CNTN4: variants seen among roughly 807,000 people sequenced by gnomAD.
CNTN4 encodes the protein contactin 4, also known as contactin-4.
In CNTN4, 77 loss-of-function variants were observed where a neutral mutation model predicts 122.5. The observed-to-expected ratio is 0.63, with a 90% CI of 0.52 to 0.76. The LOEUF (loss-of-function observed/expected upper bound fraction) is 0.76, where lower values mean the gene tolerates loss of function less well. Ranked by LOEUF, CNTN4 falls within the 30% of genes least tolerant of loss-of-function variation. CNTN4 has a pLI of 0.00. For synonymous variants in CNTN4, 512 were observed against 447.0 expected, an observed-to-expected ratio of 1.15 and a Z score of -1.83; for missense variants, 1,256 against 1,259.1, an observed-to-expected ratio of 1.00 and a Z score of 0.04.
Position 2,208,000 on chromosome 3 carries a change from G to T in CNTN4, c.-145+107361G>T, listed in dbSNP as rs771717037. 6.5e-4 allele frequency among the ~76,000 whole-genome samples: 99 copies of T among 152,190 alleles called. No homozygotes were observed. In the Middle Eastern group the frequency reaches 0.017, roughly 26 times the overall value. On this transcript the variant is annotated intron_variant, in intron 2 of 24. Coordinates refer to ENST00000418658, the MANE Select transcript of CNTN4 (RefSeq NM_175607.3). The stretch of plus-strand genomic sequence containing the variant: ...CACTTGGTCACCTAAGAGCTCTGAT[G>T]GAGATAGACAAGATTGATATTATCT...
At chr3:2,670,477 C>G (rs2084439620) in intron 4 of CNTN4, among the ~76,000 whole-genome samples, 1 of 152,092 alleles carries the variant, frequency 6.6e-6, no homozygotes. Context: ...TACTTTGAGC[C>G]TATGTGTGTC....
chr3:2,969,756 CTTATT>C (rs917907929), intron 13 of CNTN4, among the ~76,000 whole-genome samples: 3 of 152,068 alleles, frequency 2.0e-5, no homozygotes, highest in African/African-American at 7.2e-5. Flanking sequence ...CTTTTACTTT[CTTATT>C]TTATTGTTGG....
At chr3:2,170,103 C>T (rs1364364507) in intron 2 of CNTN4, among the ~76,000 whole-genome samples, 16 of 151,670 alleles carry the variant, frequency 1.1e-4, no homozygotes, top group South Asian at 4.2e-4. Flanking sequence ...GGGAGGATCA[C>T]AAGGTCAGGA....
At chr3:2,433,067 C>T (rs2048135122) in intron 3 of CNTN4, among the ~76,000 whole-genome samples, 1 of 152,224 alleles carries the variant, frequency 6.6e-6, no homozygotes, top group Middle Eastern at 3.4e-3. Context: ...AAGCAATCCA[C>T]CCACCTCAGC....
intron 14 of CNTN4, among the ~76,000 whole-genome samples, chr3:3,014,147 C>G (rs1178920658): frequency 1.3e-5 from 2 of 151,948 alleles, no homozygotes; most frequent in African/African-American, 4.8e-5. Context: ...ATGAGGAAGT[C>G]ATTAATGTTT....
At chr3:2,807,336 G>A (rs1051077222) in intron 6 of CNTN4, among the ~76,000 whole-genome samples, 1 of 152,172 alleles carries the variant, frequency 6.6e-6, no homozygotes, top group African/African-American at 2.4e-5. Flanking sequence ...CACGTAGCTT[G>A]CGTGTATATT....
At chr3:2,360,976 A>G (rs1559485503) in intron 3 of CNTN4, among the ~76,000 whole-genome samples, 1 of 152,184 alleles carries the variant, frequency 6.6e-6, no homozygotes, top group Non-Finnish European at 1.5e-5. Flanking sequence ...ATGAGTCAGA[A>G]TACTGATTGT....
chr3:2,478,148 C>G (rs1324773494), intron 3 of CNTN4, among the ~76,000 whole-genome samples: 1 of 152,058 alleles, frequency 6.6e-6, no homozygotes, highest in African/African-American at 2.4e-5. Context: ...GACTTGAAAC[C>G]TTTTCATTTT....
chr3:2,396,184 C>T (rs956951013), intron 3 of CNTN4, among the ~76,000 whole-genome samples: 1 of 151,994 alleles, frequency 6.6e-6, no homozygotes, highest in African/African-American at 2.4e-5. Flanking sequence ...ACCATCATGC[C>T]CTGCTAATTT....
chr3:2,864,954 T>C (rs2093708520), intron 7 of CNTN4, among the ~76,000 whole-genome samples: 1 of 152,004 alleles, frequency 6.6e-6, no homozygotes, highest in South Asian at 2.1e-4. Flanking sequence ...ATTACTAGGT[T>C]TGCTTGAAAC....
At chr3:2,794,388 A>G (rs1356681182) in intron 6 of CNTN4, among the ~76,000 whole-genome samples, 1 of 152,190 alleles carries the variant, frequency 6.6e-6, no homozygotes, top group Non-Finnish European at 1.5e-5. Flanking sequence ...TGATGCTGTA[A>G]TGTATGTTGG....
At chr3:3,009,027 A>C in intron 14 of CNTN4, 1 of 985,420 alleles carries the variant, frequency 1.0e-6, no homozygotes, top group Middle Eastern at 5.2e-4. Context: ...GCTAGAGGAC[A>C]AGCCTGGTGT....
chr3:2,372,339 T>C (rs943470250), intron 3 of CNTN4, among the ~76,000 whole-genome samples: 19 of 152,236 alleles, frequency 1.2e-4, no homozygotes, highest in African/African-American at 4.3e-4. Context: ...ACATCGTGGC[T>C]AGGAATATGT....
At position 2,709,428 on chromosome 3, in the gene CNTN4, G is replaced by A. The variant is rs116593044; in HGVS notation, c.56-26787G>A. Among the ~76,000 whole-genome samples the A allele has an allele frequency of 5.4e-3, 817 of 152,116 alleles. 8 individuals carry two copies. The highest frequency in any genetic ancestry group is 0.018 in the African/African-American group (763 of 41,508). ...AACCTGTGCACCAGGGATTTTCAAA[G>A]TTCCCTCAGGTGATCATCGTGTGCA... On this transcript the variant is annotated intron_variant, in intron 4 of 24. Coordinates refer to ENST00000418658, the MANE Select transcript of CNTN4 (RefSeq NM_175607.3). The surrounding 1 kb of genome is among the most constrained non-coding windows in gnomAD (Gnocchi z 5.0).
chr3:2,192,562 T>G (rs2037629658), intron 2 of CNTN4, among the ~76,000 whole-genome samples: 1 of 152,104 alleles, frequency 6.6e-6, no homozygotes, highest in East Asian at 1.9e-4. Flanking sequence ...ATATTCAGAA[T>G]CTACAAAGAA....
intron 3 of CNTN4, among the ~76,000 whole-genome samples, chr3:2,509,638 G>A (rs960486231): frequency 1.3e-5 from 2 of 152,142 alleles, no homozygotes; most frequent in African/African-American, 4.8e-5. Context: ...TCCTTTGGGA[G>A]AGAATACTTT....
chr3:2,320,112 A>G (rs2043231335), intron 2 of CNTN4, among the ~76,000 whole-genome samples: 1 of 152,158 alleles, frequency 6.6e-6, no homozygotes, highest in Admixed American at 6.6e-5. Flanking sequence ...GCTGTTGGGG[A>G]TATAATTCTG....
At chr3:2,189,559 A>T (rs1174252738) in intron 2 of CNTN4, among the ~76,000 whole-genome samples, 1 of 152,128 alleles carries the variant, frequency 6.6e-6, no homozygotes, top group East Asian at 1.9e-4. Context: ...AGAGAGATTG[A>T]TACCCTGAGA....
chr3:2,292,617 T>C (rs1265132763), intron 2 of CNTN4, among the ~76,000 whole-genome samples: 1 of 146,446 alleles, frequency 6.8e-6, no homozygotes, highest in African/African-American at 2.5e-5. Flanking sequence ...TCTGACTTTT[T>C]ATCCCTTAGA....
Sources: gnomAD v4.1 joint callset for allele counts (sites outside exome capture counted in the v4.1 genomes callset) on GRCh38, gnomAD v4.1.1 for gene constraint, Gnocchi (gnomAD v3.1) non-coding constraint, MANE v1.5 for transcripts, NCBI Gene and HGNC (gene_info 2026-07-23, HGNC 2026-07-21) for gene names.